PDE7B: variants seen among roughly 807,000 people sequenced by gnomAD.
The protein encoded by PDE7B is phosphodiesterase 7B.
PDE7B carries 29 observed loss-of-function variants against 56.2 expected under a neutral mutation model. The observed-to-expected ratio is 0.52, with a 90% confidence interval of 0.38 to 0.70. PDE7B has a LOEUF of 0.70. Among genes scored for constraint, PDE7B ranks in the 30% least tolerant of loss-of-function variants. PDE7B has a pLI of 0.00. For missense variants in PDE7B, 490 were observed against 565.0 expected, an observed-to-expected ratio of 0.87 and a Z score of 1.35; for synonymous variants, 197 against 196.9, an observed-to-expected ratio of 1.00 and a Z score of 0.00.
chr6:135,984,758 T>C (rs1274963229), intron 2 of PDE7B, among the ~76,000 whole-genome samples: 1 of 152,102 alleles, frequency 6.6e-6, no homozygotes, highest in African/African-American at 2.4e-5. Flanking sequence ...CTTACTTGTG[T>C]TGTTTGAGTT....
At chr6:136,010,159 C>G (rs1316884449) in intron 2 of PDE7B, among the ~76,000 whole-genome samples, 3 of 152,156 alleles carry the variant, frequency 2.0e-5, no homozygotes, top group African/African-American at 7.2e-5. Flanking sequence ...TCTTGATTCT[C>G]TCTTACTTAT....
intron 1 of PDE7B, among the ~76,000 whole-genome samples, chr6:135,936,349 T>C (rs1411562008): frequency 6.6e-6 from 1 of 152,184 alleles, no homozygotes; most frequent in African/African-American, 2.4e-5. Context: ...CTATTAACCT[T>C]TTGCTATCTG....
chr6:136,002,950 A>G (rs1311491723), intron 2 of PDE7B, among the ~76,000 whole-genome samples: 3 of 152,048 alleles, frequency 2.0e-5, no homozygotes, highest in African/African-American at 7.2e-5. Context: ...CATACTTGGA[A>G]GTAAAGCTCT....
chr6:135,866,625 G>A (rs1470590176), intron 1 of PDE7B, among the ~76,000 whole-genome samples: 1 of 152,080 alleles, frequency 6.6e-6, no homozygotes, highest in Non-Finnish European at 1.5e-5. Flanking sequence ...CTGATTTATG[G>A]CTTTCGTGCA....
intron 1 of PDE7B, among the ~76,000 whole-genome samples, chr6:135,886,028 C>A (rs1775702632): frequency 6.6e-6 from 1 of 152,146 alleles, no homozygotes; most frequent in Non-Finnish European, 1.5e-5. Context: ...ATTTAGTTTG[C>A]TGCTAGTTTC....
At chr6:136,172,398 G>A (rs921999648) in intron 8 of PDE7B, among the ~76,000 whole-genome samples, 2 of 152,182 alleles carry the variant, frequency 1.3e-5, no homozygotes, top group South Asian at 2.1e-4. Context: ...GTGATGGTGA[G>A]CATTTATTCA....
At chr6:135,862,717 A>G (rs748670221) in intron 1 of PDE7B, among the ~76,000 whole-genome samples, 3 of 151,148 alleles carry the variant, frequency 2.0e-5, no homozygotes, top group Admixed American at 6.6e-5. Flanking sequence ...CAGATTTTCT[A>G]TTTTCATTGT....
chr6:135,922,653 A>T (rs953090390), intron 1 of PDE7B, among the ~76,000 whole-genome samples: 13 of 152,286 alleles, frequency 8.5e-5, no homozygotes, highest in Admixed American at 7.9e-4. Flanking sequence ...TGCTTTTGGA[A>T]TGCTTTACTG....
chr6:135,988,334 A>G (rs1395366613), intron 2 of PDE7B, among the ~76,000 whole-genome samples: 1 of 152,230 alleles, frequency 6.6e-6, no homozygotes, highest in Non-Finnish European at 1.5e-5. Context: ...ACTTCCCAGT[A>G]AAGAAAGCTC....
intron 2 of PDE7B, among the ~76,000 whole-genome samples, chr6:136,083,661 T>C (rs1777241833): frequency 6.6e-6 from 1 of 152,196 alleles, no homozygotes; most frequent in Admixed American, 6.5e-5. Context: ...ACTTAAAATA[T>C]ACAGTGTAAA....
chr6:136,188,330 C>T (rs1779173257), intron 12 of PDE7B, among the ~76,000 whole-genome samples: 1 of 151,962 alleles, frequency 6.6e-6, no homozygotes, highest in Non-Finnish European at 1.5e-5. Context: ...ATTCCTCCAC[C>T]CCAAAGCTGG....
chr6:135,978,330 G>A (rs377501075), intron 2 of PDE7B, among the ~76,000 whole-genome samples: 57 of 152,060 alleles, frequency 3.7e-4, no homozygotes, highest in South Asian at 1.0e-3. Context: ...GGCACTTACC[G>A]TAAATGGAGC....
intron 1 of PDE7B, among the ~76,000 whole-genome samples, chr6:135,909,566 A>T (rs1345551821): frequency 1.3e-5 from 2 of 152,160 alleles, no homozygotes; most frequent in African/African-American, 4.8e-5. Context: ...AGATCATGCC[A>T]CTGCACTCCA....
Position 136,104,398 on chromosome 6 carries a change from T to TA in PDE7B, c.83-4332dup, listed in dbSNP as rs1259516235. The stretch of plus-strand genomic sequence containing the variant: ...ATTGTTTAGCTTGGATATAAGGCCT[T>TA]AGGTAAATAGATGATTGCCTGAGAC... On this transcript the variant is annotated intron_variant, in intron 2 of 12. Coordinates refer to ENST00000308191, the MANE Select transcript of PDE7B (RefSeq NM_018945.4). Among the ~76,000 whole-genome samples the TA allele has an allele frequency of 6.6e-5, 10 of 152,208 alleles. No homozygotes were observed. The East Asian group carries it at 1.4e-3, about 21-fold the overall frequency.
At chr6:135,889,655 G>A (rs934585675) in intron 1 of PDE7B, among the ~76,000 whole-genome samples, 12 of 136,634 alleles carry the variant, frequency 8.8e-5, no homozygotes, top group Non-Finnish European at 1.2e-4. Flanking sequence ...TGGTCAGGCT[G>A]GTCTCGAACT....
At chr6:135,888,829 T>G (rs1352168784) in intron 1 of PDE7B, among the ~76,000 whole-genome samples, 3 of 152,070 alleles carry the variant, frequency 2.0e-5, no homozygotes, top group African/African-American at 7.2e-5. Context: ...AATTCTGGTG[T>G]CCAGAAGATA....
At chr6:136,006,099 A>G (rs368316397) in intron 2 of PDE7B, among the ~76,000 whole-genome samples, 5 of 150,452 alleles carry the variant, frequency 3.3e-5, no homozygotes, top group Admixed American at 2.0e-4. Context: ...GTAAACTATC[A>G]CAAGGACAAA....
chr6:135,879,230 G>A (rs1775559447), intron 1 of PDE7B, among the ~76,000 whole-genome samples: 1 of 152,096 alleles, frequency 6.6e-6, no homozygotes, highest in Admixed American at 6.5e-5. Flanking sequence ...TTGCTTCAAA[G>A]AGTATCATAT....
At position 136,001,142 on chromosome 6, in the gene PDE7B, G is replaced by C. The variant is rs1387067507; in HGVS notation, c.82+53618G>C. ...CAACAGACCTGCAGCTGAGGGTCCT[G>C]TCTGTTAGAAGGAAAACTAACAAAC... On this transcript the variant is annotated intron_variant, in intron 2 of 12. Transcript: ENST00000308191. Among the ~76,000 whole-genome samples, 12 of 152,310 alleles carry C rather than the reference G, an allele frequency of 7.9e-5. No homozygotes were observed. The East Asian group carries it at 1.3e-3, about 17-fold the overall frequency.
Sources: gnomAD v4.1 joint callset for allele counts (sites outside exome capture counted in the v4.1 genomes callset) on GRCh38, gnomAD v4.1.1 for gene constraint, MANE v1.5 for transcripts, NCBI Gene and HGNC (gene_info 2026-07-23, HGNC 2026-07-21) for gene names.